Variants in RRP12 observed in about 807,000 individuals in gnomAD.
RRP12 encodes the protein ribosomal RNA processing 12 homolog.
Under a neutral mutation model 157.3 loss-of-function variants are expected in RRP12, and 78 were observed. That is an observed-to-expected ratio of 0.50 (90% CI 0.41 to 0.60). The LOEUF is 0.60. RRP12 is among the 20% of genes least tolerant of loss of function. The pLI is 0.00. For missense variants in RRP12, 1,521 were observed against 1,679.9 expected, an observed-to-expected ratio of 0.91 and a Z score of 1.65; for synonymous variants, 726 against 670.9, an observed-to-expected ratio of 1.08 and a Z score of -1.27.
rs1379502430 is a variant in RRP12 at position 97,359,025 on chromosome 10, C to T, written c.3641-15G>A. On this transcript the variant is annotated splice_polypyrimidine_tract_variant and intron_variant, in intron 31 of 33. Coordinates refer to ENST00000370992, the MANE Select transcript of RRP12 (RefSeq NM_015179.4). ...AGAGCCTCCAGCTACGGGGAGAACA[C>T]AGGACCATGAGTCAGGCAAAGCCAG... 2 of 1,611,482 alleles carry T rather than the reference C, an allele frequency of 1.2e-6. No individual in the cohort carries two copies. The highest frequency in any genetic ancestry group is 1.7e-6 in the Non-Finnish European group (2 of 1,178,270).
At chr10:97,397,507 A>G (rs145366430) in intron 2 of RRP12, among the ~76,000 whole-genome samples, 1 of 152,284 alleles carries the variant, frequency 6.6e-6, no homozygotes, top group Non-Finnish European at 1.5e-5. Context: ...GCTTGGTTGA[A>G]TCTGCAGGTG....
intron 30 of RRP12, among the ~76,000 whole-genome samples, chr10:97,362,144 T>G (rs1007459435): frequency 2.7e-5 from 4 of 147,812 alleles, no homozygotes; most frequent in African/African-American, 9.9e-5. Context: ...CTAAGTGCCA[T>G]GCAAGAAACC....
chr10:97,367,226 C>G, intron 25 of RRP12, 94 bp from the exon 26 acceptor site: 1 of 1,091,222 alleles, frequency 9.2e-7, no homozygotes, highest in Non-Finnish European at 1.4e-6. Context: ...CATGATCAAG[C>G]CCAGCTGAGG....
chr10:97,364,304 T>C (rs934527694), intron 29 of RRP12, among the ~76,000 whole-genome samples: 16 of 152,182 alleles, frequency 1.1e-4, no homozygotes, highest in Admixed American at 8.5e-4. Flanking sequence ...ATTCTCCTGT[T>C]TGAAATCTCT....
intron 25 of RRP12, 24 bp downstream of exon 25, chr10:97,369,401 G>A (rs1341238458): frequency 1.9e-6 from 3 of 1,608,670 alleles, no homozygotes; most frequent in South Asian, 2.2e-5. Flanking sequence ...CCTGCTACCT[G>A]CTAAGGGGAA....
intron 2 of RRP12, among the ~76,000 whole-genome samples, chr10:97,398,004 T>TAC (rs1204455601): frequency 1.2e-5 from 1 of 84,220 alleles, no homozygotes; most frequent in Non-Finnish European, 2.4e-5. Context: ...TATATATATA[T>TAC]ACATATATAT....
Position 97,369,724 on chromosome 10 carries a change from C to T in RRP12, c.2798-142G>A, listed in dbSNP as rs1218418753. On this transcript the variant is annotated intron_variant, in intron 24 of 33. Transcript: ENST00000370992. The stretch of plus-strand genomic sequence containing the variant: ...CGTATGCCCGGGATGGTTCCAATCA[C>T]GCTCCATGGAGTGGTCTTGGGTCCT... The T allele has an allele frequency of 2.6e-5, 23 of 872,144 alleles. 1 individual carries two copies. The highest frequency in any genetic ancestry group is 2.3e-4 in the Middle Eastern group (1 of 4,392). 54.0% of individuals were successfully genotyped at this position (872,144 alleles called of 1,614,324 possible).
chr10:97,391,701 C>A (rs978294633), intron 4 of RRP12, among the ~76,000 whole-genome samples: 21 of 152,158 alleles, frequency 1.4e-4, no homozygotes, highest in African/African-American at 4.8e-4. Flanking sequence ...GCGGGTGGAT[C>A]ATGAGGTCAG....
chr10:97,372,197 T>C (rs762745783), intron 19 of RRP12, 31 bp from the exon 20 acceptor site: 3 of 1,578,430 alleles, frequency 1.9e-6, no homozygotes, highest in Middle Eastern at 1.7e-4. Flanking sequence ...AGGAGAGGGA[T>C]GGGGAGCTGG....
In RRP12 at chr10:97,358,587, C is replaced by T. The variant is rs1474577342; in HGVS notation, c.3741G>A (p.Arg1247=). Residue 1247 remains arginine, a synonymous_variant, in exon 33 of 34, where the codon CGG becomes CGA. Coordinates refer to ENST00000370992, the MANE Select transcript of RRP12 (RefSeq NM_015179.4). The stretch of plus-strand genomic sequence containing the variant: ...GGGGGATGTAGGCATAGGGATCCGG[C>T]CGGCCTTTCTTCTTCACATCACCTT... The part of the protein sequence containing the change: ...KAKGDVKKKG[R]PDPYAYIPLN... 3.1e-6 allele frequency: 5 copies of T among 1,613,938 alleles called. No homozygotes were observed. In the Admixed American group the frequency reaches 6.7e-5, roughly 22 times the overall value.
At position 97,369,486 on chromosome 10, in the gene RRP12, A is replaced by G. The variant is rs1844079219; in HGVS notation, c.2894T>C (p.Phe965Ser). 1 of 1,610,940 alleles carries G rather than the reference A, an allele frequency of 6.2e-7. No homozygotes were observed. Among genetic ancestry groups the G allele is most frequent in the African/African-American group, 1.3e-5 (1 of 74,890 alleles). The change falls in exon 25 of 34, where the codon TTC becomes TCC. Residue 965 changes from phenylalanine to serine, a missense_variant. Phe to Ser is a radical substitution (Grantham distance 155, BLOSUM62 -2). Transcript: ENST00000370992. The stretch of plus-strand genomic sequence containing the variant: ...CATGACAGTCACTGCCACCTTGATG[A>G]AGCCCAGTGCAGACTTGACCACGTC... ...TRDVVKSALG[F>S]IKVAVTVMDV...
At chr10:97,379,440 A>T (rs182036613) in intron 14 of RRP12, 26 bp from the exon 15 acceptor site, 4 of 1,613,288 alleles carry the variant, frequency 2.5e-6, no homozygotes, top group Non-Finnish European at 2.5e-6. Context: ...GAAGAACCCA[A>T]TGAGGATGAG....
At chr10:97,388,175 ATT>A (rs1844691165) in intron 8 of RRP12, 75 bp downstream of exon 8, 2 of 1,593,820 alleles carry the variant, frequency 1.3e-6, no homozygotes, top group African/African-American at 2.7e-5. Flanking sequence ...CAGGCCCTGC[ATT>A]TTGACTGACC....
At position 97,398,216 on chromosome 10, in the gene RRP12, G is replaced by A. The variant is rs1234260710; in HGVS notation, c.370-1915C>T. On this transcript the variant is annotated intron_variant, in intron 2 of 33. Transcript: ENST00000370992. Reference sequence around the variant, plus strand: ...ACTACAGGCGCCCGCCACCGCGCCCGGCTAATTTTTTGTATTTTTAGTAGA... The same window carrying A: ...ACTACAGGCGCCCGCCACCGCGCCCAGCTAATTTTTTGTATTTTTAGTAGA... Among the ~76,000 whole-genome samples the A allele has an allele frequency of 4.5e-4, 44 of 96,960 alleles. 8 individuals are homozygous for A. The highest frequency in any genetic ancestry group is 2.3e-3 in the Admixed American group (22 of 9,444). The allele number at this position is 96,960 out of a possible 152,430, so 63.6% of individuals were successfully genotyped here. A position where few individuals can be genotyped will look rare whatever the true frequency, so the allele number is the denominator to read the frequency against.
At chr10:97,372,848 A>G in intron 18 of RRP12, 45 bp from the exon 19 acceptor site, 1 of 1,531,242 alleles carries the variant, frequency 6.5e-7, no homozygotes, top group Non-Finnish European at 8.9e-7. Flanking sequence ...ATTGGGGAGG[A>G]GCGAAAGAAA....
rs1844008020 is a variant in RRP12, at chr10:97,367,062, G to T, written c.3026C>A (p.Thr1009Asn). 1 of 1,614,098 alleles carries T rather than the reference G, an allele frequency of 6.2e-7. No individual in the cohort carries two copies. Among genetic ancestry groups the T allele is most frequent in the African/African-American group, 1.3e-5 (1 of 74,942 alleles). Residue 1009 changes from threonine to asparagine, a missense_variant, in exon 26 of 34, where the codon ACC becomes AAC. Transcript: ENST00000370992. ...AGACCCAAACTTGCGGATGAACTTG[G>T]TGAACAGGTTCCGAAGCTTCATGCG... ...HFRMKLRNLFTKFIRKFGFEL... is the reference protein window; with the variant it reads ...HFRMKLRNLFNKFIRKFGFEL...
At chr10:97,399,720 T>A (rs2133107543) in intron 2 of RRP12, among the ~76,000 whole-genome samples, 1 of 147,584 alleles carries the variant, frequency 6.8e-6, no homozygotes, top group South Asian at 2.2e-4. Context: ...AAAAATTAGC[T>A]ACTTGAATAA....
chr10:97,389,791 C>T (rs1014887442), intron 6 of RRP12, among the ~76,000 whole-genome samples: 1 of 152,052 alleles, frequency 6.6e-6, no homozygotes, highest in Non-Finnish European at 1.5e-5. Context: ...TGGCTCACTG[C>T]AACCTCTGCC....
At position 97,393,166 on chromosome 10, in the gene RRP12, C is replaced by T. The variant is rs183706802; in HGVS notation, c.530+518G>A. 6 of 395,450 alleles carry T rather than the reference C, an allele frequency of 1.5e-5. No homozygotes were observed. The East Asian group carries it at 3.5e-4, about 23-fold the overall frequency. The allele number at this position is 395,450 out of a possible 1,614,324, so 24.5% of individuals were successfully genotyped here. On this transcript the variant is annotated intron_variant, in intron 4 of 33. Transcript: ENST00000370992. ...CTGGGATTATAGGTGTGAACCACCG[C>T]ACCAGGCCAAAAAAGTTTCATTTTC...
Sources: allele counts gnomAD v4.1 joint callset (sites outside exome capture counted in the v4.1 genomes callset), GRCh38; gene constraint gnomAD v4.1.1; transcripts MANE v1.5; gene names NCBI Gene and HGNC (gene_info 2026-07-23, HGNC 2026-07-21).